Variants in POLR3B observed in about 807,000 individuals in gnomAD.
The protein encoded by POLR3B is DNA-directed RNA polymerase III subunit RPC2.
A neutral mutation model predicts 147.4 loss-of-function variants in POLR3B; 96 were observed. The observed-to-expected ratio is 0.65, with a 90% CI of 0.55 to 0.77. The LOEUF (loss-of-function observed/expected upper bound fraction) is 0.77, where lower values mean the gene tolerates loss of function less well. Ranked by LOEUF, POLR3B falls within the 30% of genes least tolerant of loss-of-function variation. The pLI, the probability that POLR3B is intolerant of heterozygous loss-of-function variation, is 0.00. For missense variants in POLR3B, 1,036 were observed against 1,413.5 expected, an observed-to-expected ratio of 0.73 and a Z score of 4.28; for synonymous variants, 461 against 485.9, an observed-to-expected ratio of 0.95 and a Z score of 0.67.
chr12:106,408,601 C>T (rs1323114167), intron 11 of POLR3B, among the ~76,000 whole-genome samples: 1 of 152,174 alleles, frequency 6.6e-6, no homozygotes, highest in African/African-American at 2.4e-5. Context: ...CCACTCTTTC[C>T]TCTAATGTAG....
chr12:106,393,598 T>G (rs1169711976), intron 10 of POLR3B, among the ~76,000 whole-genome samples: 1 of 151,170 alleles, frequency 6.6e-6, no homozygotes, highest in African/African-American at 2.4e-5. Flanking sequence ...GGCATCCAGT[T>G]GTATGTGGTT....
intron 12 of POLR3B, among the ~76,000 whole-genome samples, chr12:106,415,800 G>A (rs1201055573): frequency 6.6e-6 from 1 of 152,062 alleles, no homozygotes; most frequent in East Asian, 1.9e-4. Context: ...AAATAGCATA[G>A]CAAAAAGAAT....
chr12:106,422,041 G>A (rs992453461), intron 12 of POLR3B, among the ~76,000 whole-genome samples: 3 of 152,176 alleles, frequency 2.0e-5, no homozygotes, highest in Non-Finnish European at 4.4e-5. Flanking sequence ...TGTGCTTTTA[G>A]TTGCAGCCAT....
At chr12:106,501,884 C>T (rs2038607731) in intron 26 of POLR3B, among the ~76,000 whole-genome samples, 1 of 152,196 alleles carries the variant, frequency 6.6e-6, no homozygotes, top group South Asian at 2.1e-4. Flanking sequence ...AAAGTACCTC[C>T]ACTTGCAGAC....
chr12:106,433,219 C>A (rs1378097137), intron 15 of POLR3B, among the ~76,000 whole-genome samples: 1 of 152,208 alleles, frequency 6.6e-6, no homozygotes, highest in Non-Finnish European at 1.5e-5. Context: ...ATTGAGTGAG[C>A]TTTTACTCTG....
intron 13 of POLR3B, 83 bp from the exon 14 acceptor site, chr12:106,430,190 A>G: frequency 2.1e-6 from 2 of 972,868 alleles, no homozygotes; most frequent in Non-Finnish European, 3.4e-6. Context: ...AGCTCCTGTA[A>G]TGAACTTCTT....
intron 25 of POLR3B, among the ~76,000 whole-genome samples, chr12:106,497,789 A>T (rs918436081): frequency 6.6e-6 from 1 of 152,222 alleles, no homozygotes; most frequent in Non-Finnish European, 1.5e-5. Flanking sequence ...ATTAAAAAAT[A>T]ATAGACACAA....
At chr12:106,406,368 G>A (rs2037150542) in intron 11 of POLR3B, among the ~76,000 whole-genome samples, 1 of 152,072 alleles carries the variant, frequency 6.6e-6, no homozygotes, top group Non-Finnish European at 1.5e-5. Flanking sequence ...TGGTAAAATT[G>A]CTTATGTAAA....
chr12:106,477,465 C>G lies in POLR3B; in HGVS notation c.2713+13845C>G, dbSNP rs1161017241. Among the ~76,000 whole-genome samples the G allele has an allele frequency of 2.7e-3, 386 of 142,300 alleles. 1 individual carries two copies. The highest frequency in any genetic ancestry group is 8.8e-3 in the African/African-American group (321 of 36,602). 93.4% of individuals were successfully genotyped at this position (142,300 alleles called of 152,430 possible). The stretch of plus-strand genomic sequence containing the variant: ...ATGGCGGGCGCCCCTCCCCCAGCCT[C>G]GCTGCCGCCTTGCCGTTTGATCTCA... On this transcript the variant is annotated intron_variant, in intron 23 of 27. Transcript: ENST00000228347.
At chr12:106,425,567 A>G (rs1257630738) in intron 12 of POLR3B, among the ~76,000 whole-genome samples, 1 of 152,178 alleles carries the variant, frequency 6.6e-6, no homozygotes, top group African/African-American at 2.4e-5. Context: ...TATGCAAGAA[A>G]GCCCAGGGAA....
At chr12:106,470,519 G>A (rs1253546377) in intron 23 of POLR3B, among the ~76,000 whole-genome samples, 1 of 152,100 alleles carries the variant, frequency 6.6e-6, no homozygotes, top group Non-Finnish European at 1.5e-5. Flanking sequence ...TGTTCCTTTG[G>A]AGGAGAAGAG....
intron 14 of POLR3B, among the ~76,000 whole-genome samples, chr12:106,431,454 C>T (rs1593037616): frequency 6.6e-6 from 1 of 152,090 alleles, no homozygotes; most frequent in Non-Finnish European, 1.5e-5. Flanking sequence ...TTACAAGTCA[C>T]CTGTCTTAAG....
chr12:106,495,993 A>G, intron 23 of POLR3B, 62 bp from the exon 24 acceptor site: 1 of 931,644 alleles, frequency 1.1e-6, no homozygotes, highest in East Asian at 2.4e-5. Context: ...ATCCCAATTA[A>G]GTACTGTATT....
At chr12:106,429,532 T>C (rs1028755940) in intron 13 of POLR3B, among the ~76,000 whole-genome samples, 1 of 152,112 alleles carries the variant, frequency 6.6e-6, no homozygotes, top group Non-Finnish European at 1.5e-5. Flanking sequence ...TCTTTATCCT[T>C]GAGAATATTT....
rs1429912133 is a variant in POLR3B at position 106,472,265 on chromosome 12, T to A, written c.2713+8645T>A. ...ATTTTCTTAATCCAGTCTATCATTG[T>A]TGGACATTTGGGTTGGTTCCAAGTC... On this transcript the variant is annotated intron_variant, in intron 23 of 27. Transcript: ENST00000228347. 9.9e-5 allele frequency among the ~76,000 whole-genome samples: 15 copies of A among 150,924 alleles called. No homozygotes were observed. The South Asian group carries it at 2.8e-3, about 28-fold the overall frequency.
intron 12 of POLR3B, among the ~76,000 whole-genome samples, chr12:106,424,453 C>T (rs2037411437): frequency 6.6e-6 from 1 of 152,098 alleles, no homozygotes. Flanking sequence ...TGATCATTTC[C>T]TTTATTCATT....
intron 23 of POLR3B, among the ~76,000 whole-genome samples, chr12:106,468,533 T>A (rs1437061818): frequency 6.6e-6 from 1 of 152,238 alleles, no homozygotes; most frequent in African/African-American, 2.4e-5. Context: ...AATTGTGATG[T>A]TAGGGTGTCG....
intron 8 of POLR3B, among the ~76,000 whole-genome samples, 173 bp downstream of exon 8, chr12:106,378,557 T>C (rs965366368): frequency 1.3e-5 from 2 of 152,228 alleles, no homozygotes; most frequent in Non-Finnish European, 2.9e-5. Context: ...GGGTACTGAT[T>C]TTAAAATTTC....
At chr12:106,406,229 A>G (rs534225166) in intron 11 of POLR3B, among the ~76,000 whole-genome samples, 1 of 152,230 alleles carries the variant, frequency 6.6e-6, no homozygotes, top group East Asian at 1.9e-4. Flanking sequence ...TTGTTATTTT[A>G]TATTCATACA....
Sources: allele counts gnomAD v4.1 joint callset (sites outside exome capture counted in the v4.1 genomes callset), GRCh38; gene constraint gnomAD v4.1.1; transcripts MANE v1.5; gene names NCBI Gene and HGNC (gene_info 2026-07-23, HGNC 2026-07-21).